The following RCN2 variants were observed in gnomAD, a reference collection of about 807,000 sequenced individuals.
RCN2 encodes reticulocalbin 2, also known as reticulocalbin-2.
A neutral mutation model predicts 37.5 loss-of-function variants in RCN2; 23 were observed. The observed-to-expected ratio is 0.61, with a 90% confidence interval of 0.44 to 0.87. RCN2 has a LOEUF of 0.87. RCN2 is among the 40% of genes least tolerant of loss of function. The pLI is 0.00. For synonymous variants in RCN2, 140 were observed against 144.6 expected, an observed-to-expected ratio of 0.97 and a Z score of 0.23; for missense variants, 381 against 390.4, an observed-to-expected ratio of 0.98 and a Z score of 0.20.
chr15:76,931,771 C>A lies in RCN2; in HGVS notation c.-71C>A, dbSNP rs2075221519. ...CGCCTCTCTGTAGCCGCCCGCGGAG[C>A]ATCGCAGCCGGCCCGGGCCCCCGCC... On this transcript the variant is annotated 5_prime_UTR_variant, in exon 1 of 7. Coordinates refer to ENST00000394885, the MANE Select transcript of RCN2 (RefSeq NM_002902.3). 2 of 1,134,298 alleles carry A rather than the reference C, an allele frequency of 1.8e-6. No individual in the cohort carries two copies. The highest frequency in any genetic ancestry group is 2.2e-6 in the Non-Finnish European group (2 of 911,664). 70.3% of individuals were successfully genotyped at this position (1,134,298 alleles called of 1,614,324 possible).
chr15:76,935,106 C>T (rs1367287171), intron 2 of RCN2, among the ~76,000 whole-genome samples: 2 of 152,076 alleles, frequency 1.3e-5, no homozygotes, highest in Admixed American at 6.5e-5. Context: ...AGGTGGATCA[C>T]GAGGTCAGGA....
intron 4 of RCN2, among the ~76,000 whole-genome samples, chr15:76,946,998 T>C (rs934228125): frequency 5.3e-5 from 8 of 152,164 alleles, no homozygotes; most frequent in African/African-American, 1.9e-4. Flanking sequence ...AGGTAAGGGC[T>C]CTTTTAGGGT....
intron 1 of RCN2, 52 bp downstream of exon 1, chr15:76,932,037 C>A: frequency 1.6e-6 from 2 of 1,234,972 alleles, no homozygotes; most frequent in South Asian, 3.3e-5. Flanking sequence ...CCGCGGCTGC[C>A]GCGGGCTTTG....
chr15:76,936,466 G>A (rs550564446), intron 3 of RCN2, among the ~76,000 whole-genome samples: 19 of 152,016 alleles, frequency 1.2e-4, no homozygotes, highest in Non-Finnish European at 2.2e-4. Flanking sequence ...TAAGGAGTGC[G>A]CAACGAAGAT....
At chr15:76,935,131 T>C (rs1225940437) in intron 2 of RCN2, among the ~76,000 whole-genome samples, 1 of 152,168 alleles carries the variant, frequency 6.6e-6, no homozygotes, top group Non-Finnish European at 1.5e-5. Flanking sequence ...GAGACCAGCC[T>C]GGCCAACATG....
At chr15:76,941,923 G>T (rs1364002366) in intron 3 of RCN2, 2 of 339,926 alleles carry the variant, frequency 5.9e-6, no homozygotes. Flanking sequence ...TTGAATAATG[G>T]TTTATTCAAA....
intron 3 of RCN2, chr15:76,943,303 A>G (rs555115458): frequency 6.5e-6 from 1 of 153,144 alleles, no homozygotes; most frequent in East Asian, 1.9e-4. Flanking sequence ...AGTTGCTGGA[A>G]CTACAGGCGT....
chr15:76,935,426 A>G, intron 2 of RCN2, 100 bp from the exon 3 acceptor site: 2 of 842,048 alleles, frequency 2.4e-6, no homozygotes, highest in Non-Finnish European at 3.8e-6. Flanking sequence ...AGTATTTGCA[A>G]ACATCAAAGA....
At chr15:76,940,960 G>A (rs143864167) in intron 3 of RCN2, among the ~76,000 whole-genome samples, 2 of 152,222 alleles carry the variant, frequency 1.3e-5, no homozygotes, top group East Asian at 3.9e-4. Flanking sequence ...ATAATATAAA[G>A]AACAGTTATG....
chr15:76,953,582 TATATA>T lies in RCN2; in HGVS notation c.*4361_*4365del, dbSNP rs2075332812. ...ATATATATATATATATATATATATA[TATATA>T]TATATATTTTTTTTTTTTTTTTTTT... is the stretch of plus-strand genomic sequence containing the variant. On this transcript the variant is annotated 3_prime_UTR_variant, in exon 7 of 7. Coordinates refer to ENST00000394885, the MANE Select transcript of RCN2 (RefSeq NM_002902.3). 1 of 21,830 alleles carries T rather than the reference TATATA, an allele frequency of 4.6e-5. No homozygotes were observed. The highest frequency in any genetic ancestry group is 9.9e-5 in the Non-Finnish European group (1 of 10,090). 1.4% of individuals were successfully genotyped at this position (21,830 alleles called of 1,614,324 possible). A position where few individuals can be genotyped will look rare whatever the true frequency, so the allele number is the denominator to read the frequency against.
rs78043674 is a variant in RCN2, at chr15:76,954,040, T to G, written c.*4818T>G. The G allele has an allele frequency of 2.4e-4, 6 of 24,708 alleles. No homozygotes were observed. The highest frequency in any genetic ancestry group is 3.0e-4 in the African/African-American group (6 of 19,934). 1.5% of individuals were successfully genotyped at this position (24,708 alleles called of 1,614,324 possible). ...CCTTACCAACACTTGCTATTTTCTGTTTTTTTTTTTTTCTTTTTTTTTTTT... is the reference window on the plus strand; with the variant it reads ...CCTTACCAACACTTGCTATTTTCTGGTTTTTTTTTTTTCTTTTTTTTTTTT... On this transcript the variant is annotated 3_prime_UTR_variant, in exon 7 of 7. Coordinates refer to ENST00000394885, the MANE Select transcript of RCN2 (RefSeq NM_002902.3).
chr15:76,948,918 G>T, intron 6 of RCN2, 152 bp from the exon 7 acceptor site: 1 of 714,894 alleles, frequency 1.4e-6, no homozygotes, highest in Non-Finnish European at 2.3e-6. Context: ...GCAGTAGACG[G>T]ACCTGGTTAC....
rs2075336856 is a variant in RCN2, at chr15:76,953,837, G to A, written c.*4615G>A. On this transcript the variant is annotated 3_prime_UTR_variant, in exon 7 of 7. Transcript: ENST00000394885. ...TTAGCCAGGATGGTCTTGATCTGCT[G>A]ACCTCGTGATCCGCCCGCCTTGGCC... is the stretch of plus-strand genomic sequence containing the variant. The A allele has an allele frequency of 1.3e-5, 2 of 149,490 alleles. No homozygotes were observed. Among genetic ancestry groups the A allele is most frequent in the African/African-American group, 4.9e-5 (2 of 40,704 alleles). 9.3% of individuals were successfully genotyped at this position (149,490 alleles called of 1,614,324 possible).
Position 76,935,737 on chromosome 15 carries a change from A to C in RCN2, c.447+15A>C, listed in dbSNP as rs772006160. ...CCTTTAGGAAGGTGAGTTCATGTGC[A>C]CAAGCTGTTTCTTTTGATCATGTCA... On this transcript the variant is annotated intron_variant, in intron 3 of 6. Coordinates refer to ENST00000394885, the MANE Select transcript of RCN2 (RefSeq NM_002902.3). 2 of 1,595,704 alleles carry C rather than the reference A, an allele frequency of 1.3e-6. No homozygotes were observed. The highest frequency in any genetic ancestry group is 1.7e-6 in the Non-Finnish European group (2 of 1,168,642).
intron 1 of RCN2, 70 bp from the exon 2 acceptor site, chr15:76,932,291 T>C: frequency 8.0e-7 from 1 of 1,244,834 alleles, no homozygotes. Context: ...CTAGTAGCCC[T>C]GTTTTTCTCC....
chr15:76,948,260 G>A (rs2075304373), intron 5 of RCN2, 150 bp from the exon 6 acceptor site: 3 of 478,524 alleles, frequency 6.3e-6, no homozygotes, highest in East Asian at 3.3e-5. Flanking sequence ...TTGTTCTTAT[G>A]TCAGGACTTT....
At chr15:76,934,873 AT>A (rs1247540767) in intron 2 of RCN2, among the ~76,000 whole-genome samples, 1 of 152,066 alleles carries the variant, frequency 6.6e-6, no homozygotes, top group Non-Finnish European at 1.5e-5. Context: ...TTTGGATAAC[AT>A]TTTTTTTAAA....
Position 76,953,385 on chromosome 15 carries a change from A to G in RCN2, c.*4163A>G, listed in dbSNP as rs2075330184. 1 of 151,472 alleles carries G rather than the reference A, an allele frequency of 6.6e-6. No individual in the cohort carries two copies. Among genetic ancestry groups the G allele is most frequent in the Non-Finnish European group, 1.5e-5 (1 of 67,880 alleles). 9.4% of individuals were successfully genotyped at this position (151,472 alleles called of 1,614,324 possible). Reference sequence around the variant, plus strand: ...CAATACTTTATTGTTTGCATATACCACATTTTGCTTATCCATTCACCCTTT... The same window carrying G: ...CAATACTTTATTGTTTGCATATACCGCATTTTGCTTATCCATTCACCCTTT... On this transcript the variant is annotated 3_prime_UTR_variant, in exon 7 of 7. Coordinates refer to ENST00000394885, the MANE Select transcript of RCN2 (RefSeq NM_002902.3).
At chr15:76,948,380 G>GT in intron 5 of RCN2, 30 bp from the exon 6 acceptor site, 1 of 1,483,944 alleles carries the variant, frequency 6.7e-7, no homozygotes, top group Non-Finnish European at 9.2e-7. Flanking sequence ...ATATTCTTGT[G>GT]TATGTATATT....
Sources: allele counts gnomAD v4.1 joint callset (sites outside exome capture counted in the v4.1 genomes callset), GRCh38; gene constraint gnomAD v4.1.1; transcripts MANE v1.5; gene names NCBI Gene and HGNC (gene_info 2026-07-23, HGNC 2026-07-21).